PCP4L1: variants seen among roughly 807,000 people sequenced by gnomAD.
PCP4L1 encodes Purkinje cell protein 4-like protein 1.
A neutral mutation model predicts 9.6 loss-of-function variants in PCP4L1; 9 were observed. That is an observed-to-expected ratio of 0.94 (90% CI 0.57 to 1.64). The LOEUF (loss-of-function observed/expected upper bound fraction) is 1.64. Ranked by LOEUF, PCP4L1 falls within the 40% of genes most tolerant of loss-of-function variation. The pLI is 0.00. For missense variants in PCP4L1, 81 were observed against 80.8 expected, an observed-to-expected ratio of 1.00 and a Z score of -0.01; for synonymous variants, 31 against 28.2, an observed-to-expected ratio of 1.10 and a Z score of -0.31.
intron 1 of PCP4L1, among the ~76,000 whole-genome samples, chr1:161,266,683 T>C (rs960715959): frequency 2.0e-5 from 3 of 152,074 alleles, no homozygotes; most frequent in Admixed American, 6.6e-5. Context: ...ATATAGGGCA[T>C]TGGGGGAAAT....
At chr1:161,271,242 T>C (rs1669620291) in intron 1 of PCP4L1, among the ~76,000 whole-genome samples, 1 of 152,122 alleles carries the variant, frequency 6.6e-6, no homozygotes, top group Non-Finnish European at 1.5e-5. Flanking sequence ...AAACAGAAAA[T>C]TTTTAATAGG....
intron 2 of PCP4L1, 43 bp from the exon 3 acceptor site, chr1:161,284,296 C>T: frequency 6.2e-7 from 1 of 1,613,702 alleles, no homozygotes; most frequent in Admixed American, 1.7e-5. Context: ...GGGTCTAGAG[C>T]AGGTCAGATT....
chr1:161,281,432 C>T (rs1669795957), intron 1 of PCP4L1, among the ~76,000 whole-genome samples: 2 of 147,268 alleles, frequency 1.4e-5, no homozygotes, highest in Non-Finnish European at 3.0e-5. Flanking sequence ...GCAGAGGCGC[C>T]CCCACCTCCC....
Position 161,284,312 on chromosome 1 carries a change from A to G in PCP4L1, c.65-27A>G, listed in dbSNP as rs762050975. 2.1e-5 allele frequency: 34 copies of G among 1,613,872 alleles called. No homozygotes were observed. The South Asian group carries it at 3.7e-4, about 18-fold the overall frequency. On this transcript the variant is annotated intron_variant, in intron 2 of 2. Coordinates refer to ENST00000504449, the MANE Select transcript of PCP4L1 (RefSeq NM_001102566.2). The stretch of plus-strand genomic sequence containing the variant: ...GGTCTAGAGCAGGTCAGATTAACTC[A>G]TTAATGAGTCTCCCAACTATCTGCA...
intron 1 of PCP4L1, among the ~76,000 whole-genome samples, chr1:161,273,743 GAAA>G (rs1473582085): frequency 5.3e-5 from 8 of 152,338 alleles, no homozygotes; most frequent in Admixed American, 2.0e-4. Flanking sequence ...AATTAGAGCA[GAAA>G]TCTGAGTGAT....
intron 1 of PCP4L1, among the ~76,000 whole-genome samples, chr1:161,282,194 G>A (rs1020788424): frequency 5.9e-5 from 9 of 151,268 alleles, no homozygotes; most frequent in African/African-American, 1.7e-4. Flanking sequence ...AGACCAGCCC[G>A]ACCAACACAG....
At chr1:161,264,102 G>A (rs181375821) in intron 1 of PCP4L1, among the ~76,000 whole-genome samples, 17 of 150,054 alleles carry the variant, frequency 1.1e-4, no homozygotes, top group African/African-American at 3.9e-4. Flanking sequence ...TAGTAGAGAC[G>A]AGATTTCACT....
At chr1:161,265,320 C>G (rs1453822325) in intron 1 of PCP4L1, among the ~76,000 whole-genome samples, 1 of 152,054 alleles carries the variant, frequency 6.6e-6, no homozygotes, top group Non-Finnish European at 1.5e-5. Context: ...TGCTTCAGCC[C>G]AGGAGTTTGA....
chr1:161,270,609 C>G (rs1669608341), intron 1 of PCP4L1, among the ~76,000 whole-genome samples: 1 of 148,584 alleles, frequency 6.7e-6, no homozygotes, highest in African/African-American at 2.5e-5. Flanking sequence ...CGCAGTGGCT[C>G]ATGCCTGTAA....
chr1:161,278,484 G>T (rs1421207708), intron 1 of PCP4L1, among the ~76,000 whole-genome samples: 2 of 150,798 alleles, frequency 1.3e-5, no homozygotes, highest in East Asian at 3.9e-4. Context: ...GCCTGGGCTG[G>T]TCATGAACTC....
Position 161,258,800 on chromosome 1 carries a change from A to C in PCP4L1, c.-175A>C, listed in dbSNP as rs1669363983. 9.6e-7 allele frequency: 1 copy of C among 1,038,494 alleles called. No individual in the cohort carries two copies. The highest frequency in any genetic ancestry group is 1.6e-5 in the African/African-American group (1 of 61,828). 64.3% of individuals were successfully genotyped at this position (1,038,494 alleles called of 1,614,324 possible). ...GTCGCCTGGCCGGAGCTGGGCTCCG[A>C]GAATCCCGGGTGCCAGCACCAGAGC... On this transcript the variant is annotated 5_prime_UTR_variant, in exon 1 of 3. Coordinates refer to ENST00000504449, the MANE Select transcript of PCP4L1 (RefSeq NM_001102566.2).
intron 1 of PCP4L1, among the ~76,000 whole-genome samples, chr1:161,283,420 T>C (rs963536455): frequency 6.6e-6 from 1 of 152,206 alleles, no homozygotes; most frequent in African/African-American, 2.4e-5. Context: ...CACTGGAATG[T>C]AAGCTCCATG....
chr1:161,260,982 T>C (rs571487882), intron 1 of PCP4L1, among the ~76,000 whole-genome samples: 1 of 152,284 alleles, frequency 6.6e-6, no homozygotes, highest in Admixed American at 6.5e-5. Flanking sequence ...TCTGCTTCTC[T>C]AGGGGCCGAG....
chr1:161,271,977 C>CT (rs34495529), intron 1 of PCP4L1, among the ~76,000 whole-genome samples: 168 of 135,828 alleles, frequency 1.2e-3, no homozygotes, highest in Middle Eastern at 4.5e-3. Flanking sequence ...TTGGACTAAC[C>CT]TTTTTTTTTT....
In PCP4L1 at chr1:161,285,210, T is replaced by A. The variant is rs1669889083; in HGVS notation, c.*729T>A. 6.6e-6 allele frequency: 1 copy of A among 151,798 alleles called. No individual in the cohort carries two copies. The highest frequency in any genetic ancestry group is 6.6e-5 in the Admixed American group (1 of 15,152). The allele number at this position is 151,798 out of a possible 1,614,324, so 9.4% of individuals were successfully genotyped here. ...AGTGAAGAAGGGGGAAATCTCTGAA[T>A]TTTTTTACTGCTGGGAAAAGTGTAC... On this transcript the variant is annotated 3_prime_UTR_variant, in exon 3 of 3. Transcript: ENST00000504449.
Position 161,258,894 on chromosome 1 carries a change from C to A in PCP4L1, c.-81C>A. ...CCCTGCCGCAGAGCCCGGCAACTTT[C>A]AGCTGTCGCCCGCGGAGCCCCGAGG... On this transcript the variant is annotated 5_prime_UTR_variant, in exon 1 of 3. Transcript: ENST00000504449. The A allele has an allele frequency of 1.3e-6, 2 of 1,532,024 alleles. No homozygotes were observed. Among genetic ancestry groups the A allele is most frequent in the Non-Finnish European group, 1.7e-6 (2 of 1,143,504 alleles). The allele number at this position is 1,532,024 out of a possible 1,614,324, so 94.9% of individuals were successfully genotyped here. A position where few individuals can be genotyped will look rare whatever the true frequency, so the allele number is the denominator to read the frequency against.
intron 1 of PCP4L1, 97 bp downstream of exon 1, chr1:161,259,080 G>C: frequency 1.0e-5 from 15 of 1,472,648 alleles, no homozygotes; most frequent in South Asian, 2.6e-5. Flanking sequence ...GAGGCAGACC[G>C]GAGCCGCGAA....
intron 1 of PCP4L1, among the ~76,000 whole-genome samples, chr1:161,272,946 A>T (rs1283800513): frequency 6.6e-6 from 1 of 151,640 alleles, no homozygotes; most frequent in African/African-American, 2.4e-5. Flanking sequence ...AAGGGTAGGT[A>T]CTCCTGGGGA....
intron 1 of PCP4L1, 132 bp downstream of exon 1, chr1:161,259,115 C>G: frequency 7.7e-7 from 1 of 1,306,624 alleles, no homozygotes; most frequent in Non-Finnish European, 1.0e-6. Flanking sequence ...CGCCCCACTG[C>G]CCTCCTAGGA....
Sources: allele counts gnomAD v4.1 joint callset (sites outside exome capture counted in the v4.1 genomes callset), GRCh38; gene constraint gnomAD v4.1.1; transcripts MANE v1.5; gene names NCBI Gene and HGNC (gene_info 2026-07-23, HGNC 2026-07-21).